The following SUMF1 variants were observed in gnomAD, a reference collection of about 807,000 sequenced individuals.
SUMF1 encodes sulfatase modifying factor 1.
Under a neutral mutation model 47.6 loss-of-function variants are expected in SUMF1, and 48 were observed. The ratio of observed to expected loss-of-function variants is 1.01; its 90% CI spans 0.80 to 1.28. SUMF1 has a LOEUF of 1.28. SUMF1 is among the 50% of genes most tolerant of loss of function. The pLI is 0.00. For missense variants in SUMF1, 571 were observed against 485.4 expected (o/e 1.18, Z -1.66); for synonymous variants, 230 against 192.1 (o/e 1.20, Z -1.63).
rs975879427 is a variant in SUMF1 at position 4,091,100 on chromosome 3, A to C, written c.1015-22355T>G. Among the ~76,000 whole-genome samples the C allele has an allele frequency of 1.4e-4, 21 of 152,086 alleles. 1 individual carries two copies. Among genetic ancestry groups the C allele is most frequent in the African/African-American group, 4.3e-4 (18 of 41,450 alleles). ...CATAAAAAACAACAACAACAACAAA[A>C]AAAAAAACAAAAAACACACATTTTG... On this transcript the variant is annotated intron_variant and NMD_transcript_variant, in intron 8 of 12. Coordinates refer to the SUMF1 transcript ENST00000448413.
At chr3:4,369,580 G>A (rs1389489122) in intron 8 of SUMF1, among the ~76,000 whole-genome samples, 1 of 152,214 alleles carries the variant, frequency 6.6e-6, no homozygotes. Flanking sequence ...TGTCATTCTT[G>A]TCCCATAAAC....
At chr3:4,145,488 T>C (rs1574924193) in intron 8 of SUMF1, among the ~76,000 whole-genome samples, 1 of 152,250 alleles carries the variant, frequency 6.6e-6, no homozygotes, top group Middle Eastern at 3.4e-3. Flanking sequence ...GTCCCTCTTG[T>C]TCTGGCCAAA....
At chr3:4,174,565 C>G (rs376925846) in intron 8 of SUMF1, among the ~76,000 whole-genome samples, 1 of 151,720 alleles carries the variant, frequency 6.6e-6, no homozygotes, top group Non-Finnish European at 1.5e-5. Context: ...ACATGGGGGG[C>G]GTTCCAAGAT....
intron 8 of SUMF1, among the ~76,000 whole-genome samples, chr3:4,165,833 A>G (rs1026590783): frequency 1.4e-5 from 2 of 147,654 alleles, no homozygotes; most frequent in African/African-American, 5.0e-5. Flanking sequence ...GCTGAAAAAA[A>G]AAATGCCCGT....
At chr3:4,331,696 G>A (rs1378881115) in intron 8 of SUMF1, among the ~76,000 whole-genome samples, 1 of 152,158 alleles carries the variant, frequency 6.6e-6, no homozygotes, top group South Asian at 2.1e-4. Flanking sequence ...TTGGCGTGGT[G>A]GCACACACCT....
At chr3:4,209,024 CCTAT>C (rs1695716683) in intron 8 of SUMF1, among the ~76,000 whole-genome samples, 1 of 152,100 alleles carries the variant, frequency 6.6e-6, no homozygotes, top group Non-Finnish European at 1.5e-5. Context: ...GAAGTTCTCT[CCTAT>C]CTGTTTTCTG....
intron 8 of SUMF1, among the ~76,000 whole-genome samples, chr3:4,368,667 T>C (rs933070467): frequency 3.3e-5 from 5 of 152,186 alleles, no homozygotes; most frequent in Non-Finnish European, 7.3e-5. Flanking sequence ...TCATGTCTTC[T>C]TTCCCACTGC....
chr3:4,130,018 GA>G (rs1693748939), intron 8 of SUMF1, among the ~76,000 whole-genome samples: 1 of 152,112 alleles, frequency 6.6e-6, no homozygotes, highest in Non-Finnish European at 1.5e-5. Flanking sequence ...CCCCTACCTA[GA>G]AAAATAGTAA....
intron 9 of SUMF1, among the ~76,000 whole-genome samples, chr3:4,039,593 G>A (rs1253974716): frequency 6.8e-6 from 1 of 147,172 alleles, no homozygotes; most frequent in East Asian, 1.9e-4. Context: ...TGGTGTATAT[G>A]TGCCACATTT....
chr3:4,193,543 T>C (rs1426390983), intron 8 of SUMF1, among the ~76,000 whole-genome samples: 6 of 152,132 alleles, frequency 3.9e-5, no homozygotes, highest in African/African-American at 1.2e-4. Context: ...CTGTGCCAAC[T>C]CCATGTACTC....
At chr3:4,379,122 TAACTA>T (rs781065205) in intron 7 of SUMF1, among the ~76,000 whole-genome samples, 1 of 152,210 alleles carries the variant, frequency 6.6e-6, no homozygotes, top group Non-Finnish European at 1.5e-5. Flanking sequence ...ACATGATAAT[TAACTA>T]AAACTGTTTG....
intron 8 of SUMF1, among the ~76,000 whole-genome samples, chr3:4,218,356 T>G (rs1695985536): frequency 6.6e-6 from 1 of 151,984 alleles, no homozygotes. Context: ...CAAATTTAGG[T>G]GGTGGGGGAA....
chr3:4,240,754 A>G (rs1351279782), intron 8 of SUMF1, among the ~76,000 whole-genome samples: 1 of 151,910 alleles, frequency 6.6e-6, no homozygotes, highest in Non-Finnish European at 1.5e-5. Flanking sequence ...ACTTTCCTGG[A>G]AGAAATTATA....
chr3:4,414,593 G>C (rs1190522823), intron 6 of SUMF1: 2 of 152,166 alleles, frequency 1.3e-5, no homozygotes, highest in East Asian at 3.9e-4. Flanking sequence ...CTCTAGTCCT[G>C]TTTGTCAAAT....
At chr3:4,047,517 G>A (rs933658445) in intron 9 of SUMF1, among the ~76,000 whole-genome samples, 17 of 152,244 alleles carry the variant, frequency 1.1e-4, no homozygotes, top group African/African-American at 3.6e-4. Context: ...ATTTCTAAAT[G>A]CATTTTCCAA....
chr3:4,390,478 C>T (rs1382195217), intron 7 of SUMF1, among the ~76,000 whole-genome samples: 4 of 152,204 alleles, frequency 2.6e-5, no homozygotes, highest in Admixed American at 2.6e-4. Context: ...TTCCTACTTG[C>T]TCCTTTGGCT....
chr3:4,294,216 T>G, intron 8 of SUMF1, among the ~76,000 whole-genome samples: 1 of 152,130 alleles, frequency 6.6e-6, no homozygotes, highest in East Asian at 1.9e-4. Context: ...TAAATCAAAT[T>G]TAATTAAAAT....
chr3:4,366,786 G>C (rs7373135), intron 8 of SUMF1, among the ~76,000 whole-genome samples: 82,389 of 150,660 alleles, frequency 0.55, 22,873 homozygotes, highest in East Asian at 0.76. Flanking sequence ...GAGGAGGAGA[G>C]GCGCTCTGCT....
intron 8 of SUMF1, among the ~76,000 whole-genome samples, chr3:4,328,949 G>T (rs1486394145): frequency 1.3e-5 from 2 of 152,052 alleles, no homozygotes; most frequent in African/African-American, 2.4e-5. Context: ...AAAATGAAGG[G>T]GCTACAGGCT....
Sources: gnomAD v4.1 joint callset for allele counts (sites outside exome capture counted in the v4.1 genomes callset) on GRCh38, gnomAD v4.1.1 for gene constraint, MANE v1.5 for transcripts, NCBI Gene and HGNC (gene_info 2026-07-23, HGNC 2026-07-21) for gene names.